The following C8orf34 variants were observed in gnomAD, a reference collection of about 807,000 sequenced individuals.
The protein encoded by C8orf34 is uncharacterized protein C8orf34.
C8orf34 carries 65 observed loss-of-function variants against 68.3 expected under a neutral mutation model. The ratio of observed to expected loss-of-function variants is 0.95; its 90% CI spans 0.78 to 1.17. C8orf34 has a LOEUF of 1.17. Among genes scored for constraint, C8orf34 ranks in the 50% most tolerant of loss-of-function variants. The pLI is 0.00. For missense variants in C8orf34, 664 were observed against 655.4 expected (o/e 1.01, Z -0.14); for synonymous variants, 244 against 241.2 (o/e 1.01, Z -0.11).
At chr8:68,482,662 A>G (rs71515102) in intron 4 of C8orf34, among the ~76,000 whole-genome samples, 4,578 of 152,242 alleles carry the variant, frequency 0.03, 181 homozygotes, top group East Asian at 0.21. Flanking sequence ...ATTTTCTTTA[A>G]CATTACTCTT....
chr8:68,348,486 C>A (rs1198226757), intron 1 of C8orf34, among the ~76,000 whole-genome samples: 1 of 151,916 alleles, frequency 6.6e-6, no homozygotes, highest in Non-Finnish European at 1.5e-5. Context: ...ATAGTTTTTT[C>A]TATTTCTATG....
chr8:68,800,253 T>C (rs1008777924), intron 12 of C8orf34, among the ~76,000 whole-genome samples: 1 of 152,194 alleles, frequency 6.6e-6, no homozygotes, highest in Non-Finnish European at 1.5e-5. Flanking sequence ...GCATATGTCA[T>C]GAATTGATGA....
intron 10 of C8orf34, among the ~76,000 whole-genome samples, chr8:68,753,164 GTAGA>G (rs1335996265): frequency 6.6e-6 from 1 of 152,094 alleles, no homozygotes; most frequent in Non-Finnish European, 1.5e-5. Flanking sequence ...ACATGTTCTC[GTAGA>G]TAAAGGAAAT....
intron 12 of C8orf34, among the ~76,000 whole-genome samples, chr8:68,789,092 A>G (rs956121869): frequency 6.6e-6 from 1 of 152,200 alleles, no homozygotes; most frequent in Non-Finnish European, 1.5e-5. Flanking sequence ...CCATCTTCCC[A>G]CATATTTAAA....
intron 5 of C8orf34, among the ~76,000 whole-genome samples, chr8:68,517,342 C>A (rs982743637): frequency 1.3e-5 from 2 of 152,082 alleles, no homozygotes; most frequent in Non-Finnish European, 2.9e-5. Flanking sequence ...GAAATATATA[C>A]ATTTTTAAAA....
chr8:68,544,619 G>A (rs1815809616), intron 7 of C8orf34, among the ~76,000 whole-genome samples: 1 of 151,964 alleles, frequency 6.6e-6, no homozygotes, highest in Non-Finnish European at 1.5e-5. Flanking sequence ...CTTGTAAAAA[G>A]GAATTATTGT....
intron 1 of C8orf34, among the ~76,000 whole-genome samples, chr8:68,380,951 T>C (rs1020669954): frequency 8.5e-5 from 13 of 152,170 alleles, no homozygotes; most frequent in African/African-American, 2.7e-4. Flanking sequence ...ATAAGTTAGA[T>C]GATAAAATAT....
intron 5 of C8orf34, among the ~76,000 whole-genome samples, chr8:68,490,713 A>G (rs1049895166): frequency 1.3e-5 from 2 of 152,180 alleles, no homozygotes; most frequent in African/African-American, 4.8e-5. Flanking sequence ...AGTGAAAAAA[A>G]AAATCGACCC....
At chr8:68,532,954 A>G in intron 6 of C8orf34, 29 bp from the exon 7 acceptor site, 1 of 1,485,394 alleles carries the variant, frequency 6.7e-7, no homozygotes, top group South Asian at 1.2e-5. Flanking sequence ...TACTTATCAC[A>G]GCTAATTAAC....
intron 7 of C8orf34, among the ~76,000 whole-genome samples, chr8:68,629,846 A>C (rs996913079): frequency 1.3e-5 from 2 of 151,912 alleles, no homozygotes; most frequent in African/African-American, 4.8e-5. Context: ...AGTAATGATA[A>C]GGGCGTGCGT....
chr8:68,464,699 A>G (rs1257618072), intron 3 of C8orf34, among the ~76,000 whole-genome samples: 9 of 150,840 alleles, frequency 6.0e-5, no homozygotes, highest in African/African-American at 2.2e-4. Flanking sequence ...AGCAATGGGG[A>G]AAGGATTCCC....
chr8:68,517,132 G>A (rs1251249818), intron 5 of C8orf34, among the ~76,000 whole-genome samples: 3 of 151,794 alleles, frequency 2.0e-5, no homozygotes, highest in Admixed American at 6.6e-5. Context: ...TTTTTAATTC[G>A]TTTACATTTT....
At chr8:68,740,346 A>G (rs1822245391) in intron 10 of C8orf34, among the ~76,000 whole-genome samples, 1 of 152,172 alleles carries the variant, frequency 6.6e-6, no homozygotes, top group African/African-American at 2.4e-5. Context: ...TTTGCATACT[A>G]TGTATCTGAC....
At chr8:68,650,297 G>GAGAGAGGGGTCC (rs1819308834) in intron 8 of C8orf34, among the ~76,000 whole-genome samples, 1 of 152,008 alleles carries the variant, frequency 6.6e-6, no homozygotes, top group African/African-American at 2.4e-5. Context: ...AAAGGAAGAG[G>GAGAGAGGGGTCC]AGAGAGGGGT....
chr8:68,648,683 A>T (rs536809590), intron 8 of C8orf34, among the ~76,000 whole-genome samples: 5 of 152,222 alleles, frequency 3.3e-5, no homozygotes, highest in African/African-American at 1.2e-4. Context: ...ATTATAGAGA[A>T]CATACACTGA....
intron 1 of C8orf34, among the ~76,000 whole-genome samples, chr8:68,364,794 G>C (rs1402581658): frequency 6.7e-6 from 1 of 149,556 alleles, no homozygotes; most frequent in Non-Finnish European, 1.5e-5. Context: ...GAGAAAGCAG[G>C]AAAGATCCAA....
intron 10 of C8orf34, among the ~76,000 whole-genome samples, chr8:68,741,482 C>G (rs373515461): frequency 6.6e-6 from 1 of 152,078 alleles, no homozygotes; most frequent in Non-Finnish European, 1.5e-5. Flanking sequence ...CAATTATACT[C>G]TTTTAGTTAT....
At chr8:68,367,907 GAAAAGAAAAA>G (rs1807361842) in intron 1 of C8orf34, among the ~76,000 whole-genome samples, 2 of 15,034 alleles carry the variant, frequency 1.3e-4, no homozygotes, top group Non-Finnish European at 2.6e-4. Context: ...AATAAAAAAA[GAAAAGAAAAA>G]AAAAAAAAAA....
chr8:68,696,039 C>T (rs796696479), intron 8 of C8orf34, among the ~76,000 whole-genome samples: 48 of 151,880 alleles, frequency 3.2e-4, no homozygotes, highest in East Asian at 7.8e-4. Flanking sequence ...TGGTGGCTCA[C>T]GCCTGTATTC....
Sources: allele counts gnomAD v4.1 joint callset (sites outside exome capture counted in the v4.1 genomes callset), GRCh38; gene constraint gnomAD v4.1.1; transcripts MANE v1.5; gene names NCBI Gene and HGNC (gene_info 2026-07-23, HGNC 2026-07-21).